Variants in JMJD1C observed in about 807,000 individuals in gnomAD.
JMJD1C encodes the protein jumonji domain containing 1C.
A neutral mutation model predicts 245.3 loss-of-function variants in JMJD1C; 31 were observed. The ratio of observed to expected loss-of-function variants is 0.13; its 90% CI spans 0.09 to 0.17. The LOEUF is 0.17. Among genes scored for constraint, JMJD1C ranks in the 10% least tolerant of loss-of-function variants. The pLI is 1.00. For synonymous variants in JMJD1C, 1,057 were observed against 1,017.4 expected (o/e 1.04, Z -0.74); for missense variants, 2,691 against 3,000.2 (o/e 0.90, Z 2.41).
upstream of JMJD1C, among the ~76,000 whole-genome samples, chr10:63,469,055 T>A (rs1455535024): frequency 6.6e-6 from 1 of 152,232 alleles, no homozygotes; most frequent in Non-Finnish European, 1.5e-5. Flanking sequence ...ACCATAATTA[T>A]CTACTTAGTT....
At chr10:63,221,391 C>A (rs894089632) in intron 3 of JMJD1C, among the ~76,000 whole-genome samples, 1 of 152,074 alleles carries the variant, frequency 6.6e-6, no homozygotes, top group Non-Finnish European at 1.5e-5. Flanking sequence ...CTGATATGTA[C>A]TTAAACATAG....
At chr10:63,491,056 G>A (rs2133217233) in intron 1 of JMJD1C, among the ~76,000 whole-genome samples, 1 of 152,316 alleles carries the variant, frequency 6.6e-6, no homozygotes, top group Non-Finnish European at 1.5e-5. Context: ...ACGAATTGTT[G>A]TATCTTGCCC....
intron 2 of JMJD1C, among the ~76,000 whole-genome samples, chr10:63,344,185 A>C (rs1406308428): frequency 6.6e-6 from 1 of 152,214 alleles, no homozygotes; most frequent in Non-Finnish European, 1.5e-5. Context: ...CAGTCTTGCA[A>C]GCTCCATTCA....
chr10:63,458,203 A>G (rs967922394), intron 1 of JMJD1C, among the ~76,000 whole-genome samples: 5 of 152,176 alleles, frequency 3.3e-5, no homozygotes, highest in African/African-American at 1.2e-4. Context: ...AAAAGTGTGA[A>G]GCTGGATGCC....
At chr10:63,223,784 C>T (rs931387170) in intron 3 of JMJD1C, among the ~76,000 whole-genome samples, 1 of 152,076 alleles carries the variant, frequency 6.6e-6, no homozygotes, top group Non-Finnish European at 1.5e-5. Context: ...GATGGAGTCT[C>T]ACTCTGTCGC....
At chr10:63,382,815 A>G (rs1947316520) in intron 1 of JMJD1C, 3 of 455,922 alleles carry the variant, frequency 6.6e-6, no homozygotes, top group Admixed American at 2.3e-5. Context: ...AAGAGTTTCC[A>G]TTTCCACTTA....
chr10:63,258,625 A>AC (rs1854291661), intron 3 of JMJD1C, among the ~76,000 whole-genome samples: 1 of 151,586 alleles, frequency 6.6e-6, no homozygotes, highest in African/African-American at 2.4e-5. Context: ...ACCACCAACC[A>AC]CCCCACCAAC....
intron 1 of JMJD1C, among the ~76,000 whole-genome samples, chr10:63,441,858 C>T (rs1012649993): frequency 3.0e-4 from 45 of 152,146 alleles, no homozygotes; most frequent in Non-Finnish European, 5.1e-4. Context: ...TTAATAAATA[C>T]CTTTGTATTC....
At chr10:63,244,155 T>C (rs773259377) in intron 3 of JMJD1C, among the ~76,000 whole-genome samples, 22 of 152,078 alleles carry the variant, frequency 1.4e-4, no homozygotes, top group Non-Finnish European at 2.4e-4. Flanking sequence ...CTCCATAAAT[T>C]AGACAAAGGA....
At chr10:63,262,860 T>C (rs1854964856) in intron 3 of JMJD1C, among the ~76,000 whole-genome samples, 1 of 152,128 alleles carries the variant, frequency 6.6e-6, no homozygotes, top group Non-Finnish European at 1.5e-5. Context: ...TTTCAATCAT[T>C]GTAATTTTCA....
chr10:63,424,065 A>T (rs1950287002), intron 1 of JMJD1C, among the ~76,000 whole-genome samples: 2 of 152,044 alleles, frequency 1.3e-5, no homozygotes, highest in Admixed American at 6.5e-5. Flanking sequence ...GATTGTGTGT[A>T]TTTTTTTAAT....
intron 2 of JMJD1C, among the ~76,000 whole-genome samples, chr10:63,370,268 A>G (rs1287500730): frequency 6.6e-6 from 1 of 152,190 alleles, no homozygotes; most frequent in African/African-American, 2.4e-5. Context: ...AACCCTGTGG[A>G]TGGTTTTGGG....
At chr10:63,286,989 G>A (rs1367742235) in intron 2 of JMJD1C, among the ~76,000 whole-genome samples, 1 of 152,292 alleles carries the variant, frequency 6.6e-6, no homozygotes, top group East Asian at 1.9e-4. Context: ...CAGAAGTAAA[G>A]TTAATCATTC....
chr10:63,498,634 G>A (rs547424031), intron 1 of JMJD1C, among the ~76,000 whole-genome samples: 17 of 151,988 alleles, frequency 1.1e-4, no homozygotes, highest in South Asian at 2.1e-4. Flanking sequence ...AAAATGTAGT[G>A]CCAAATTATG....
chr10:63,410,313 T>C (rs766598920), intron 1 of JMJD1C, among the ~76,000 whole-genome samples: 15 of 152,198 alleles, frequency 9.9e-5, no homozygotes, highest in Non-Finnish European at 1.5e-4. Context: ...GTTCAAAACA[T>C]CTATGGATTT....
At chr10:63,268,210 T>C (rs1298545739) in intron 2 of JMJD1C, among the ~76,000 whole-genome samples, 1 of 140,894 alleles carries the variant, frequency 7.1e-6, no homozygotes, top group Non-Finnish European at 1.5e-5. Context: ...AGCAACATTT[T>C]AGAAGTTAAG....
chr10:63,499,117 T>A (rs928877798), intron 1 of JMJD1C, among the ~76,000 whole-genome samples: 9 of 152,244 alleles, frequency 5.9e-5, no homozygotes, highest in Non-Finnish European at 8.8e-5. Context: ...CCTTTATTCA[T>A]CAATGGGACA....
chr10:63,278,394 C>T (rs1338120895), intron 2 of JMJD1C, among the ~76,000 whole-genome samples: 3 of 151,122 alleles, frequency 2.0e-5, no homozygotes, highest in Non-Finnish European at 2.9e-5. Flanking sequence ...GGTGTGGTAG[C>T]GCATGCCTGT....
At chr10:63,230,408 T>C (rs1460290354) in intron 3 of JMJD1C, among the ~76,000 whole-genome samples, 2 of 152,122 alleles carry the variant, frequency 1.3e-5, no homozygotes, top group Non-Finnish European at 2.9e-5. Context: ...CTGCACTTTT[T>C]ACAAGTTTTG....
Sources: allele counts gnomAD v4.1 joint callset (sites outside exome capture counted in the v4.1 genomes callset), GRCh38; gene constraint gnomAD v4.1.1; transcripts MANE v1.5; gene names NCBI Gene and HGNC (gene_info 2026-07-23, HGNC 2026-07-21).